Variants in ZC3H12B observed in about 807,000 individuals in gnomAD.
The protein encoded by ZC3H12B is probable ribonuclease ZC3H12B.
A neutral mutation model predicts 43.9 loss-of-function variants in ZC3H12B; 7 were observed. That is an observed-to-expected ratio of 0.16 (90% confidence interval 0.09 to 0.30). The LOEUF (loss-of-function observed/expected upper bound fraction) is 0.30, where lower values mean the gene tolerates loss of function less well. ZC3H12B is among the 10% of genes least tolerant of loss of function. ZC3H12B has a pLI of 1.00. For missense variants in ZC3H12B, 475 were observed against 670.2 expected, an observed-to-expected ratio of 0.71 and a Z score of 3.22; for synonymous variants, 222 against 241.7, an observed-to-expected ratio of 0.92 and a Z score of 0.76.
intron 1 of ZC3H12B, among the ~76,000 whole-genome samples, chrX:65,490,164 G>A (rs1214082049): frequency 9.0e-6 from 1 of 110,877 alleles, no homozygotes; most frequent in Non-Finnish European, 1.9e-5. Context: ...AATGGACTTT[G>A]CAAATGTGAT....
At chrX:65,230,402 G>T in the ZC3H12B span, among the ~76,000 whole-genome samples, 6 of 108,963 alleles carry the variant, frequency 5.5e-5, no homozygotes, top group Non-Finnish European at 1.1e-4. Flanking sequence ...GGGGAAGGGG[G>T]AGGGATAGCA....
At chrX:65,043,931 C>T in the ZC3H12B span, among the ~76,000 whole-genome samples, 2 of 111,830 alleles carry the variant, frequency 1.8e-5, no homozygotes, top group African/African-American at 6.5e-5. Context: ...TCTATACATT[C>T]ATTCAACATT....
chrX:65,234,252 A>T, the ZC3H12B span, among the ~76,000 whole-genome samples: 7 of 112,351 alleles, frequency 6.2e-5, no homozygotes, highest in African/African-American at 2.3e-4. Context: ...AATAAGGGAC[A>T]AAAAACATAT....
At chrX:65,052,458 C>A in the ZC3H12B span, among the ~76,000 whole-genome samples, 2 of 110,352 alleles carry the variant, frequency 1.8e-5, no homozygotes, top group African/African-American at 6.6e-5. Flanking sequence ...ATACCCACCT[C>A]CCCCCAGAAC....
the ZC3H12B span, among the ~76,000 whole-genome samples, chrX:65,326,567 G>GA: frequency 2.5e-3 from 252 of 102,125 alleles, no homozygotes; most frequent in South Asian, 9.2e-3. Context: ...TGCTTGGATA[G>GA]AAAAAAAAAA....
At chrX:65,375,316 C>A (rs1473487972) in intron 2 of ZC3H12B, among the ~76,000 whole-genome samples, 3 of 111,836 alleles carry the variant, frequency 2.7e-5, no homozygotes, top group Non-Finnish European at 5.6e-5. Flanking sequence ...GAGTTCACTG[C>A]AAACTAAAGT....
At chrX:65,260,461 A>T in the ZC3H12B span, among the ~76,000 whole-genome samples, 2 of 111,461 alleles carry the variant, frequency 1.8e-5, no homozygotes, top group Non-Finnish European at 3.8e-5. Flanking sequence ...AACTACCTAT[A>T]GATTACTATG....
At chrX:65,144,969 T>A in the ZC3H12B span, among the ~76,000 whole-genome samples, 1 of 112,154 alleles carries the variant, frequency 8.9e-6, no homozygotes, top group African/African-American at 3.2e-5. Flanking sequence ...ATGTTCTGTA[T>A]TTGTCAGTAA....
chrX:65,290,670 A>G, the ZC3H12B span, among the ~76,000 whole-genome samples: 1 of 111,721 alleles, frequency 9.0e-6, no homozygotes, highest in East Asian at 2.8e-4. Context: ...AGTTTTATCC[A>G]TTAAAAAATA....
At chrX:65,095,399 C>T in the ZC3H12B span, among the ~76,000 whole-genome samples, 4 of 111,317 alleles carry the variant, frequency 3.6e-5, no homozygotes, top group Non-Finnish European at 7.5e-5. Context: ...AACAACAACT[C>T]TTCATAGATC....
chrX:65,056,361 C>T, the ZC3H12B span, among the ~76,000 whole-genome samples: 1 of 111,736 alleles, frequency 8.9e-6, no homozygotes, highest in East Asian at 2.8e-4. Context: ...AGTAGTCATT[C>T]AGGAGCAGGT....
the ZC3H12B span, among the ~76,000 whole-genome samples, chrX:65,238,215 G>T: frequency 5.4e-5 from 6 of 111,711 alleles, no homozygotes; most frequent in Non-Finnish European, 9.4e-5. Context: ...CTGTAAATCT[G>T]TCTGATCCTT....
intron 3 of ZC3H12B, among the ~76,000 whole-genome samples, chrX:65,435,065 G>A (rs898435800): frequency 1.8e-5 from 2 of 112,157 alleles, no homozygotes; most frequent in African/African-American, 3.2e-5. Flanking sequence ...CAGCCTACAA[G>A]GTTGGGGGTT....
the ZC3H12B span, among the ~76,000 whole-genome samples, chrX:65,116,230 G>T: frequency 1.8e-5 from 2 of 111,484 alleles, no homozygotes; most frequent in South Asian, 7.4e-4. Flanking sequence ...TTTGTATAAG[G>T]TAAGAGATGA....
chrX:65,444,343 C>T (rs1190625940), intron 3 of ZC3H12B, among the ~76,000 whole-genome samples: 2 of 111,904 alleles, frequency 1.8e-5, no homozygotes, highest in Admixed American at 9.5e-5. Context: ...GTGAAATGAA[C>T]CTGGTGGGAG....
chrX:65,196,542 A>G, the ZC3H12B span, among the ~76,000 whole-genome samples: 1 of 111,728 alleles, frequency 9.0e-6, no homozygotes, highest in Non-Finnish European at 1.9e-5. Context: ...TTATAATGCC[A>G]GCTGTTGTAA....
chrX:65,213,917 A>C, the ZC3H12B span, among the ~76,000 whole-genome samples: 3 of 100,758 alleles, frequency 3.0e-5, no homozygotes, highest in Admixed American at 3.0e-4. Context: ...ATACACACAC[A>C]CATATATGTA....
In ZC3H12B at chrX:65,413,862, G is replaced by T. The variant is rs908129073; in HGVS notation, n.407+15158G>T. Among the ~76,000 whole-genome samples, 3 of 112,054 alleles carry T rather than the reference G, an allele frequency of 2.7e-5. No homozygotes were observed. In the East Asian group the frequency reaches 8.4e-4, roughly 31 times the overall value. ...ATTTGGTAGACATTCCATTGAATCT[G>T]TAGATCACTTTAGGTGAGTATTATT... On this transcript the variant is annotated intron_variant and non_coding_transcript_variant, in intron 3 of 5. Transcript: ENST00000617377.
the ZC3H12B span, among the ~76,000 whole-genome samples, chrX:65,344,196 G>A: frequency 3.6e-5 from 4 of 112,080 alleles, no homozygotes; most frequent in African/African-American, 1.3e-4. Context: ...CAAACAAATA[G>A]GAAAACATTC....
Sources: allele counts gnomAD v4.1 joint callset (sites outside exome capture counted in the v4.1 genomes callset), GRCh38; gene constraint gnomAD v4.1.1; transcripts MANE v1.5; gene names NCBI Gene and HGNC (gene_info 2026-07-23, HGNC 2026-07-21).